Variants in LRRIQ3 observed in about 807,000 individuals in gnomAD.
LRRIQ3 encodes leucine rich repeats and IQ motif containing 3, also known as leucine-rich repeat and IQ domain-containing protein 3.
A neutral mutation model predicts 59.3 loss-of-function variants in LRRIQ3; 75 were observed. The observed-to-expected ratio is 1.26, with a 90% confidence interval of 1.05 to 1.53. The LOEUF (loss-of-function observed/expected upper bound fraction) is 1.53. Ranked by LOEUF, LRRIQ3 falls within the 40% of genes most tolerant of loss-of-function variation. The pLI is 0.00. For missense variants in LRRIQ3, 831 were observed against 710.0 expected, an observed-to-expected ratio of 1.17 and a Z score of -1.94; for synonymous variants, 250 against 231.3, an observed-to-expected ratio of 1.08 and a Z score of -0.73.
intron 6 of LRRIQ3, among the ~76,000 whole-genome samples, chr1:74,054,271 C>A (rs1654457255): frequency 6.6e-6 from 1 of 151,298 alleles, no homozygotes; most frequent in Non-Finnish European, 1.5e-5. Context: ...AGAAGCCAAT[C>A]TAAAAAGGCT....
intron 4 of LRRIQ3, among the ~76,000 whole-genome samples, chr1:74,133,656 G>T (rs12039171): frequency 0.32 from 45,504 of 142,440 alleles, 7,641 homozygotes; most frequent in Middle Eastern, 0.46. Context: ...GGTGGGAATT[G>T]AACAATGAGA....
chr1:74,151,021 T>C (rs1389226213), intron 4 of LRRIQ3, among the ~76,000 whole-genome samples: 2 of 141,230 alleles, frequency 1.4e-5, no homozygotes, highest in Non-Finnish European at 3.1e-5. Context: ...CTTTTTTTTT[T>C]TTTTTTTTTT....
chr1:74,113,791 C>G (rs1557621758), intron 4 of LRRIQ3, among the ~76,000 whole-genome samples: 1 of 151,948 alleles, frequency 6.6e-6, no homozygotes. Context: ...AGGAAGTTCT[C>G]TTTAGGCTGA....
At chr1:74,177,435 A>G (rs891049770) in intron 3 of LRRIQ3, among the ~76,000 whole-genome samples, 6 of 152,134 alleles carry the variant, frequency 3.9e-5, no homozygotes, top group African/African-American at 1.4e-4. Context: ...CTCTTTATAT[A>G]TATATCTATC....
chr1:74,049,742 G>A (rs898901690), intron 6 of LRRIQ3, among the ~76,000 whole-genome samples: 6 of 151,830 alleles, frequency 4.0e-5, no homozygotes, highest in South Asian at 2.1e-4. Context: ...CTAATTCAAC[G>A]TCATATTCAA....
Position 74,106,367 on chromosome 1 carries a change from G to C in LRRIQ3, c.867+3027C>G, listed in dbSNP as rs186794816. Among the ~76,000 whole-genome samples the C allele has an allele frequency of 1.2e-3, 184 of 152,056 alleles. 1 individual carries two copies. Among genetic ancestry groups the C allele is most frequent in the African/African-American group, 4.4e-3 (181 of 41,526 alleles). On this transcript the variant is annotated intron_variant, in intron 5 of 7. Coordinates refer to ENST00000354431, the MANE Select transcript of LRRIQ3 (RefSeq NM_001105659.2). ...GCTTCCGATGTATGTGGCAAGGAGT[G>C]GGGATGGCGGGGGGAGGAAGGGAGG...
intron 6 of LRRIQ3, among the ~76,000 whole-genome samples, chr1:74,067,797 G>A (rs530947175): frequency 2.0e-5 from 3 of 151,908 alleles, no homozygotes; most frequent in Non-Finnish European, 4.4e-5. Context: ...TTAAGTTTGC[G>A]CCCTTGTCTA....
rs553920792 is a variant in LRRIQ3, at chr1:74,113,760, A to T, written c.708-4207T>A. On this transcript the variant is annotated intron_variant, in intron 4 of 7. Transcript: ENST00000354431. ...GCTAAAATAATTTACTTCTAGCAGC[A>T]TGCTTTTTACGAGCTAATAAAGGAA... Among the ~76,000 whole-genome samples, 123 of 152,216 alleles carry T rather than the reference A, an allele frequency of 8.1e-4. 2 individuals carry two copies. The highest frequency in any genetic ancestry group is 6.8e-3 in the Middle Eastern group (2 of 294).
chr1:74,047,151 A>T (rs1383139523), intron 6 of LRRIQ3, among the ~76,000 whole-genome samples: 1 of 152,188 alleles, frequency 6.6e-6, no homozygotes, highest in African/African-American at 2.4e-5. Context: ...ACGTATGTTT[A>T]TTGTGGCACT....
At chr1:74,077,532 C>T (rs12124366) in intron 5 of LRRIQ3, among the ~76,000 whole-genome samples, 50,012 of 151,528 alleles carry the variant, frequency 0.33, 9,907 homozygotes, top group East Asian at 0.77. Context: ...ACTCATGAAA[C>T]GTAAAGGGTC....
intron 1 of LRRIQ3, among the ~76,000 whole-genome samples, chr1:74,191,753 A>T (rs895065285): frequency 3.3e-5 from 5 of 152,144 alleles, no homozygotes; most frequent in African/African-American, 1.2e-4. Context: ...TGTAAAATTT[A>T]GCAAAATTTG....
chr1:74,076,478 GCA>G (rs1176905175), intron 5 of LRRIQ3, among the ~76,000 whole-genome samples: 4 of 151,838 alleles, frequency 2.6e-5, no homozygotes, highest in Non-Finnish European at 4.4e-5. Context: ...TCAGTGAATG[GCA>G]CCACATTCAT....
At chr1:74,040,898 T>C (rs766624011) in intron 7 of LRRIQ3, among the ~76,000 whole-genome samples, 2 of 152,074 alleles carry the variant, frequency 1.3e-5, no homozygotes, top group Non-Finnish European at 2.9e-5. Flanking sequence ...GCCGGACACG[T>C]TGGCTCATGC....
chr1:74,029,122 A>G (rs1653613307), intron 7 of LRRIQ3, among the ~76,000 whole-genome samples: 1 of 151,988 alleles, frequency 6.6e-6, no homozygotes, highest in African/African-American at 2.4e-5. Context: ...GGGCTGAGAC[A>G]ATGGGGTTTT....
chr1:74,145,589 C>T (rs895850146), intron 4 of LRRIQ3, among the ~76,000 whole-genome samples: 1 of 152,182 alleles, frequency 6.6e-6, no homozygotes, highest in African/African-American at 2.4e-5. Flanking sequence ...AAAGAAATAA[C>T]TCATTAACTA....
intron 4 of LRRIQ3, among the ~76,000 whole-genome samples, chr1:74,151,421 A>T (rs1291582360): frequency 2.6e-5 from 4 of 152,280 alleles, no homozygotes; most frequent in African/African-American, 9.6e-5. Context: ...TATCTACAAC[A>T]GTACTATGTG....
Position 74,155,720 on chromosome 1 carries a change from AAAC to A in LRRIQ3, c.707+10_707+12del. On this transcript the variant is annotated intron_variant, in intron 4 of 7. Transcript: ENST00000354431. ...TATTTCAATATTCAAATGGTAAAGA[AAAC>A]AAAACATACCTCAAATTTTTTCTAA... The A allele has an allele frequency of 6.4e-7, 1 of 1,561,658 alleles. No homozygotes were observed. Among genetic ancestry groups the A allele is most frequent in the Non-Finnish European group, 8.6e-7 (1 of 1,161,792 alleles).
intron 4 of LRRIQ3, among the ~76,000 whole-genome samples, chr1:74,136,366 C>T (rs7543134): frequency 0.33 from 49,309 of 151,656 alleles, 9,623 homozygotes; most frequent in East Asian, 0.77. Flanking sequence ...AAACACATCC[C>T]AATTAATTCT....
At chr1:74,156,264 T>C (rs559939384) in intron 3 of LRRIQ3, among the ~76,000 whole-genome samples, 2 of 152,160 alleles carry the variant, frequency 1.3e-5, no homozygotes, top group Admixed American at 6.5e-5. Flanking sequence ...ACCATGATTG[T>C]AGGTTTCCTG....
Sources: allele counts gnomAD v4.1 joint callset (sites outside exome capture counted in the v4.1 genomes callset), GRCh38; gene constraint gnomAD v4.1.1; transcripts MANE v1.5; gene names NCBI Gene and HGNC (gene_info 2026-07-23, HGNC 2026-07-21).